XKR6: variants seen among roughly 807,000 people sequenced by gnomAD.
The protein encoded by XKR6 is XK-related protein 6.
Under a neutral mutation model 56.7 loss-of-function variants are expected in XKR6, and 22 were observed. That is an observed-to-expected ratio of 0.39 (90% CI 0.28 to 0.55). The LOEUF is 0.55. Ranked by LOEUF, XKR6 falls within the 20% of genes least tolerant of loss-of-function variation. The pLI, the probability that XKR6 is intolerant of heterozygous loss-of-function variation, is 0.66. For synonymous variants in XKR6, 524 were observed against 387.8 expected (o/e 1.35, Z -4.13); for missense variants, 852 against 889.0 (o/e 0.96, Z 0.53).
At chr8:11,127,556 T>C (rs1231157336) in intron 1 of XKR6, among the ~76,000 whole-genome samples, 1 of 152,156 alleles carries the variant, frequency 6.6e-6, no homozygotes, top group Non-Finnish European at 1.5e-5. Context: ...ACCACATATA[T>C]TCATTGGCTT....
At chr8:11,178,220 T>C (rs1185094396) in intron 1 of XKR6, among the ~76,000 whole-genome samples, 2 of 152,252 alleles carry the variant, frequency 1.3e-5, no homozygotes, top group Middle Eastern at 3.4e-3. Context: ...ACTAGTCATT[T>C]TGCACTCTCA....
At chr8:11,147,352 G>A (rs938895238) in intron 1 of XKR6, among the ~76,000 whole-genome samples, 1 of 152,064 alleles carries the variant, frequency 6.6e-6, no homozygotes, top group African/African-American at 2.4e-5. Flanking sequence ...AAATCTCAAC[G>A]GACACTTCAC....
At chr8:10,976,753 GTCTCTC>G (rs5889354) in intron 1 of XKR6, among the ~76,000 whole-genome samples, 16 of 149,252 alleles carry the variant, frequency 1.1e-4, no homozygotes, top group East Asian at 5.9e-4. Flanking sequence ...TACCTCGCCT[GTCTCTC>G]TCTCTCTCTC....
At chr8:10,923,984 C>T (rs1413696499) in intron 2 of XKR6, among the ~76,000 whole-genome samples, 2 of 152,220 alleles carry the variant, frequency 1.3e-5, no homozygotes, top group Non-Finnish European at 2.9e-5. Flanking sequence ...CATGGACTGT[C>T]TCTCACTTGT....
intron 1 of XKR6, among the ~76,000 whole-genome samples, chr8:11,068,551 C>T (rs1800038224): frequency 6.6e-6 from 1 of 152,302 alleles, no homozygotes; most frequent in South Asian, 2.1e-4. Flanking sequence ...GCTTTCTCCT[C>T]CCTGTCTCTT....
At chr8:11,168,129 C>T (rs1430598043) in intron 1 of XKR6, among the ~76,000 whole-genome samples, 1 of 152,110 alleles carries the variant, frequency 6.6e-6, no homozygotes, top group Non-Finnish European at 1.5e-5. Context: ...TCAAACACCC[C>T]ATTTTCAACA....
At chr8:11,089,397 GA>G in intron 1 of XKR6, among the ~76,000 whole-genome samples, 1 of 152,264 alleles carries the variant, frequency 6.6e-6, no homozygotes, top group South Asian at 2.1e-4. Context: ...TTAGTAGGCC[GA>G]AATGGGAGTA....
At chr8:11,053,411 G>A (rs1257210946) in intron 1 of XKR6, among the ~76,000 whole-genome samples, 2 of 152,214 alleles carry the variant, frequency 1.3e-5, no homozygotes, top group Admixed American at 1.3e-4. Context: ...ATCAATCCCA[G>A]GTCCTTCTGG....
intron 1 of XKR6, among the ~76,000 whole-genome samples, chr8:10,994,756 C>A (rs1180914875): frequency 6.6e-6 from 1 of 152,224 alleles, no homozygotes; most frequent in Non-Finnish European, 1.5e-5. Context: ...TAACTCGGGA[C>A]TTTAGCAATT....
intron 1 of XKR6, among the ~76,000 whole-genome samples, chr8:10,945,832 A>C (rs1012971308): frequency 2.6e-5 from 4 of 151,992 alleles, no homozygotes; most frequent in African/African-American, 9.7e-5. Flanking sequence ...GGAACCCGAG[A>C]GCTGGGTGGT....
chr8:10,975,705 G>T (rs1463683342), intron 1 of XKR6, among the ~76,000 whole-genome samples: 1 of 152,230 alleles, frequency 6.6e-6, no homozygotes, highest in African/African-American at 2.4e-5. Flanking sequence ...GCAGGGGGCT[G>T]GGAGGCCAGA....
rs1052947370 is a variant in XKR6 at position 11,175,722 on chromosome 8, G to A, written c.764+24854C>T. Among the ~76,000 whole-genome samples the A allele has an allele frequency of 2.0e-5, 3 of 152,186 alleles. No individual in the cohort carries two copies. In the East Asian group the frequency reaches 5.8e-4, roughly 29 times the overall value. On this transcript the variant is annotated intron_variant, in intron 1 of 2. Transcript: ENST00000416569. ...AGATAATTACTTCATTCTGAAGGCA[G>A]TATATGATTTTTAAAGCCCGTACAC...
At chr8:11,070,430 G>A (rs1800086731) in intron 1 of XKR6, among the ~76,000 whole-genome samples, 1 of 152,186 alleles carries the variant, frequency 6.6e-6, no homozygotes, top group African/African-American at 2.4e-5. Context: ...GAGGGTTTAG[G>A]ACCTATTTTT....
chr8:11,119,723 T>A (rs1257931963), intron 1 of XKR6, among the ~76,000 whole-genome samples: 1 of 152,112 alleles, frequency 6.6e-6, no homozygotes, highest in Non-Finnish European at 1.5e-5. Context: ...ATGGGTTTCC[T>A]GAATACAACA....
chr8:11,088,869 G>C (rs1168376021), intron 1 of XKR6, among the ~76,000 whole-genome samples: 1 of 152,212 alleles, frequency 6.6e-6, no homozygotes, highest in Non-Finnish European at 1.5e-5. Flanking sequence ...AGAGGTATAA[G>C]GCAATATGTG....
At chr8:11,120,273 A>T (rs767741637) in intron 1 of XKR6, among the ~76,000 whole-genome samples, 3 of 152,314 alleles carry the variant, frequency 2.0e-5, no homozygotes, top group East Asian at 1.9e-4. Context: ...ACATGATTGT[A>T]TATTTAGAAA....
intron 1 of XKR6, among the ~76,000 whole-genome samples, chr8:10,971,230 G>A (rs975055892): frequency 1.3e-5 from 2 of 151,752 alleles, no homozygotes; most frequent in Non-Finnish European, 2.9e-5. Flanking sequence ...GATCATCCTG[G>A]CTAACACGGC....
chr8:11,131,069 T>TCTAG (rs575513246), intron 1 of XKR6, among the ~76,000 whole-genome samples: 138 of 152,274 alleles, frequency 9.1e-4, no homozygotes, highest in African/African-American at 2.5e-3. Context: ...GGATTTCTCT[T>TCTAG]CTAGCTGTGG....
rs1160033448 is a variant in XKR6, at chr8:10,898,287, G to A, written c.1591C>T (p.Pro531Ser). The change falls in exon 3 of 3, where the codon CCT becomes TCT. Residue 531 changes from proline to serine, a missense_variant. Physicochemically the swap from Pro to Ser is moderately conservative, Grantham distance 74 (BLOSUM62 -1). Transcript: ENST00000416569. This position sits in a 1 kb window ranked among gnomAD's most constrained non-coding sequence, Gnocchi z 6.6. ...PLPPDVEPMAPEIPGYRGTQV... is the reference protein window; with the variant it reads ...PLPPDVEPMASEIPGYRGTQV... The stretch of plus-strand genomic sequence containing the variant: ...GTCCCCCGGTACCCAGGGATCTCAG[G>A]CGCCATGGGCTCAACATCGGGGGGC... The A allele has an allele frequency of 1.2e-6, 2 of 1,613,996 alleles. No homozygotes were observed. Among genetic ancestry groups the A allele is most frequent in the Admixed American group, 1.7e-5 (1 of 60,014 alleles).
Sources: allele counts gnomAD v4.1 joint callset (sites outside exome capture counted in the v4.1 genomes callset), GRCh38; gene constraint gnomAD v4.1.1; non-coding constraint Gnocchi (gnomAD v3.1); transcripts MANE v1.5; gene names NCBI Gene and HGNC (gene_info 2026-07-23, HGNC 2026-07-21).